DAG1: variants seen among roughly 807,000 people sequenced by gnomAD.
DAG1 encodes dystroglycan 1.
DAG1 carries 8 observed loss-of-function variants against 46.1 expected under a neutral mutation model. That is an observed-to-expected ratio of 0.17 (90% CI 0.10 to 0.31). The LOEUF is 0.31. Among genes scored for constraint, DAG1 ranks in the 10% least tolerant of loss-of-function variants. The pLI is 1.00. For missense variants in DAG1, 1,003 were observed against 1,189.9 expected (o/e 0.84, Z 2.31); for synonymous variants, 495 against 481.8 (o/e 1.03, Z -0.36).
rs778969591 is a variant in DAG1, at chr3:49,532,002, A to G, written c.1491A>G (p.Pro497=). The G allele has an allele frequency of 3.1e-6, 5 of 1,614,074 alleles. No homozygotes were observed. In the East Asian group the frequency reaches 1.1e-4, roughly 36 times the overall value. The change falls in exon 3 of 3, where the codon CCA becomes CCG. Residue 497 remains proline, a synonymous_variant. Transcript: ENST00000308775. The surrounding 1 kb of genome is among the most constrained non-coding windows in gnomAD (Gnocchi z 5.4). ...GTGGCGGAGAACCCAACCAGCGCCCAGAGCTCAAGAACCATATTGACAGGG... is the reference window on the plus strand; with the variant it reads ...GTGGCGGAGAACCCAACCAGCGCCCGGAGCTCAAGAACCATATTGACAGGG... ...VPRGGEPNQR[P]ELKNHIDRVD...
chr3:49,502,850 G>T (rs895316874), intron 1 of DAG1, among the ~76,000 whole-genome samples: 10 of 152,014 alleles, frequency 6.6e-5, no homozygotes, highest in African/African-American at 2.4e-4. Context: ...TGTTGGCCAG[G>T]CTGGTCTCGA....
intron 1 of DAG1, among the ~76,000 whole-genome samples, chr3:49,490,037 GT>G (rs1335890264): frequency 1.3e-5 from 2 of 152,208 alleles, no homozygotes; most frequent in African/African-American, 4.8e-5. Context: ...CATGACCCGT[GT>G]TCCTTTCTCT....
intron 2 of DAG1, among the ~76,000 whole-genome samples, chr3:49,513,527 G>A (rs575991406): frequency 6.6e-6 from 1 of 152,136 alleles, no homozygotes; most frequent in South Asian, 2.1e-4. Context: ...CTCTTTCCTT[G>A]CAGAGGTGAG....
chr3:49,531,696 C>T lies in DAG1; in HGVS notation c.1185C>T (p.Thr395=). The T allele has an allele frequency of 2.5e-6, 4 of 1,614,014 alleles. No homozygotes were observed. The highest frequency in any genetic ancestry group is 3.4e-6 in the Non-Finnish European group (4 of 1,179,936). The change falls in exon 3 of 3, where the codon ACC becomes ACT. Residue 395 remains threonine, a synonymous_variant. Coordinates refer to ENST00000308775, the MANE Select transcript of DAG1 (RefSeq NM_004393.6). The surrounding 1 kb of genome is among the most constrained non-coding windows in gnomAD (Gnocchi z 7.0). The part of the protein sequence containing the change: ...IQPTRVSEAG[T]TVPGQIRPTM... ...CTACTCGGGTGTCAGAAGCTGGCAC[C>T]ACAGTTCCTGGCCAGATTCGCCCAA...
rs57803437 is a variant in DAG1, at chr3:49,509,339, G to A, written c.-116-1080G>A. Among the ~76,000 whole-genome samples, 713 of 152,242 alleles carry A rather than the reference G, an allele frequency of 4.7e-3. 5 individuals carry two copies. The highest frequency in any genetic ancestry group is 0.016 in the African/African-American group (681 of 41,536). ...AGTCCCAGCTATTTACTTGAGCCCA[G>A]GAGTTCAAGGTTACATTGAGCTATG... On this transcript the variant is annotated intron_variant, in intron 1 of 2. Coordinates refer to ENST00000308775, the MANE Select transcript of DAG1 (RefSeq NM_004393.6).
rs148703095 is a variant in DAG1 at position 49,510,747 on chromosome 3, G to C, written c.213G>C (p.Thr71=). 1 of 1,614,194 alleles carries C rather than the reference G, an allele frequency of 6.2e-7. No individual in the cohort carries two copies. Residue 71 remains threonine (T), a synonymous_variant, in exon 2 of 3, where the codon ACG becomes ACC. Transcript: ENST00000308775. ...VPTVVGIPDG[T]AVVGRSFRVT... ...CAGTGGTTGGCATTCCTGATGGCAC[G>C]GCTGTCGTCGGGCGCTCATTTCGAG...
intron 1 of DAG1, among the ~76,000 whole-genome samples, chr3:49,504,329 GT>G (rs1258893867): frequency 1.3e-5 from 2 of 151,524 alleles, no homozygotes; most frequent in Non-Finnish European, 2.9e-5. Flanking sequence ...CGTATCCATA[GT>G]TCATTCATTT....
rs563098289 is a variant in DAG1 at position 49,473,262 on chromosome 3, A to G, written c.-117+2829A>G. Reference sequence around the variant, plus strand: ...AACCCTGTCTCTACTAAAAATACAAAAAATTAGCCAGGTGGGGTGGCGGGC... The same window carrying G: ...AACCCTGTCTCTACTAAAAATACAAGAAATTAGCCAGGTGGGGTGGCGGGC... On this transcript the variant is annotated intron_variant, in intron 1 of 2. Coordinates refer to ENST00000308775, the MANE Select transcript of DAG1 (RefSeq NM_004393.6). Among the ~76,000 whole-genome samples the G allele has an allele frequency of 2.6e-5, 4 of 151,356 alleles. No homozygotes were observed. In the South Asian group the frequency reaches 8.4e-4, roughly 32 times the overall value.
At chr3:49,489,298 G>A (rs2107278988) in intron 1 of DAG1, among the ~76,000 whole-genome samples, 1 of 152,202 alleles carries the variant, frequency 6.6e-6, no homozygotes, top group Non-Finnish European at 1.5e-5. Flanking sequence ...CTCCATGTTG[G>A]TCGGGCTGGT....
Position 49,531,287 on chromosome 3 carries a change from C to T in DAG1, c.776C>T (p.Ser259Phe), listed in dbSNP as rs755396411. The T allele has an allele frequency of 2.5e-6, 4 of 1,614,040 alleles. No individual in the cohort carries two copies. The highest frequency in any genetic ancestry group is 1.7e-5 in the Admixed American group (1 of 60,008). The change falls in exon 3 of 3, where the codon TCC becomes TTC. Residue 259 changes from serine (S) to phenylalanine (F), a missense_variant. Ser to Phe is a radical substitution (Grantham distance 155). Transcript: ENST00000308775. This position sits in a 1 kb window ranked among gnomAD's most constrained non-coding sequence, Gnocchi z 7.0. Reference protein sequence around the residue: ...KKVVENGALLSWKLGCSLNQN... With the variant: ...KKVVENGALLFWKLGCSLNQN... ...GTGGTGGAGAATGGGGCCCTTCTCT[C>T]CTGGAAGCTGGGCTGCTCCCTGAAC... is the stretch of plus-strand genomic sequence containing the variant.
chr3:49,484,116 G>A (rs1009051), intron 1 of DAG1, among the ~76,000 whole-genome samples: 112,234 of 152,092 alleles, frequency 0.74, 41,884 homozygotes, highest in East Asian at 0.99. Context: ...ATTCCTGTCT[G>A]ACTCTCTTCT....
In DAG1 at chr3:49,529,388, G is replaced by A. The variant is rs547048832; in HGVS notation, c.286-1409G>A. Among the ~76,000 whole-genome samples, 20 of 152,244 alleles carry A rather than the reference G, an allele frequency of 1.3e-4. No individual in the cohort carries two copies. The East Asian group carries it at 3.7e-3, about 28-fold the overall frequency. The stretch of plus-strand genomic sequence containing the variant: ...AAACCTGTTTAAATTAGTTTAAAGG[G>A]GGGAAATTATCTAGTTTCTGATAAG... On this transcript the variant is annotated intron_variant, in intron 2 of 2. Transcript: ENST00000308775.
At chr3:49,489,939 C>T (rs2050137666) in intron 1 of DAG1, among the ~76,000 whole-genome samples, 1 of 152,080 alleles carries the variant, frequency 6.6e-6, no homozygotes, top group Non-Finnish European at 1.5e-5. Flanking sequence ...ATAGCTGTCA[C>T]AGATTACAGA....
intron 1 of DAG1, among the ~76,000 whole-genome samples, chr3:49,494,638 AT>A (rs879895429): frequency 1.6e-3 from 230 of 144,364 alleles, no homozygotes; most frequent in Middle Eastern, 3.5e-3. Context: ...TATTATTATT[AT>A]TTTTTTTTTT....
chr3:49,531,452 TCCATGCTACAC>T lies in DAG1; in HGVS notation c.945_955del (p.Ala316ThrfsTer121). On this transcript the variant is annotated frameshift_variant, in exon 3 of 3. Coordinates refer to ENST00000308775, the MANE Select transcript of DAG1 (RefSeq NM_004393.6). LOFTEE classifies it high-confidence loss of function. The surrounding 1 kb of genome is among the most constrained non-coding windows in gnomAD (Gnocchi z 7.0). The stretch of plus-strand genomic sequence containing the variant: ...CTTCCCAAACGCGTCCGGAGGCAGA[TCCATGCTACAC>T]CCACACCTGTCACTGCCATTGGGCC... 1 of 1,613,600 alleles carries T rather than the reference TCCATGCTACAC, an allele frequency of 6.2e-7. No homozygotes were observed.
At chr3:49,482,998 C>A (rs1478517122) in intron 1 of DAG1, among the ~76,000 whole-genome samples, 1 of 152,096 alleles carries the variant, frequency 6.6e-6, no homozygotes, top group African/African-American at 2.4e-5. Flanking sequence ...TAGATTGATT[C>A]TCTAGCTAGC....
intron 2 of DAG1, 92 bp downstream of exon 2, chr3:49,510,911 A>C (rs185127707): frequency 6.4e-7 from 1 of 1,555,262 alleles, no homozygotes; most frequent in East Asian, 2.4e-5. Context: ...AGCTTCACCA[A>C]TTCTGAGCTC....
At chr3:49,511,678 T>A (rs2050764721) in intron 2 of DAG1, among the ~76,000 whole-genome samples, 1 of 152,166 alleles carries the variant, frequency 6.6e-6, no homozygotes, top group South Asian at 2.1e-4. Flanking sequence ...CACACCTGGC[T>A]AATTTTTGTA....
At chr3:49,510,936 C>G in intron 2 of DAG1, 117 bp downstream of exon 2, 1 of 1,539,090 alleles carries the variant, frequency 6.5e-7, no homozygotes, top group Non-Finnish European at 8.7e-7. Flanking sequence ...CTTCCAGTAC[C>G]CCCTTAGAAG....
Sources: gnomAD v4.1 joint callset for allele counts (sites outside exome capture counted in the v4.1 genomes callset) on GRCh38, gnomAD v4.1.1 for gene constraint, Gnocchi (gnomAD v3.1) non-coding constraint, MANE v1.5 for transcripts, NCBI Gene and HGNC (gene_info 2026-07-23, HGNC 2026-07-21) for gene names.